SND1: variants seen among roughly 807,000 people sequenced by gnomAD.
The protein encoded by SND1 is staphylococcal nuclease domain-containing protein 1.
SND1 carries 38 observed loss-of-function variants against 121.7 expected under a neutral mutation model. That is an observed-to-expected ratio of 0.31 (90% CI 0.24 to 0.41). The LOEUF is 0.41. Ranked by LOEUF, SND1 falls within the 10% of genes least tolerant of loss-of-function variation. The pLI is 1.00. For missense variants in SND1, 868 were observed against 1,184.6 expected (o/e 0.73, Z 3.92); for synonymous variants, 401 against 447.4 (o/e 0.90, Z 1.31).
chr7:128,019,212 T>C (rs889582056), intron 16 of SND1, among the ~76,000 whole-genome samples: 1 of 152,206 alleles, frequency 6.6e-6, no homozygotes, highest in Non-Finnish European at 1.5e-5. Flanking sequence ...TCCTTTCTTA[T>C]TGCTAACCCG....
At chr7:127,685,877 C>T (rs926798286) in intron 1 of SND1, 1 of 151,286 alleles carries the variant, frequency 6.6e-6, no homozygotes, top group African/African-American at 2.4e-5. Flanking sequence ...AGGGACTTCC[C>T]TCAGCTTCTC....
chr7:127,695,021 A>C, intron 3 of SND1, 73 bp downstream of exon 3: 1 of 1,561,190 alleles, frequency 6.4e-7, no homozygotes, highest in Non-Finnish European at 8.7e-7. Context: ...TTGTGGTGGA[A>C]GGCCAGTGTG....
intron 14 of SND1, among the ~76,000 whole-genome samples, chr7:127,913,703 C>T (rs1800508422): frequency 1.3e-5 from 2 of 152,152 alleles, no homozygotes; most frequent in Non-Finnish European, 2.9e-5. Context: ...ATTGGATTGT[C>T]TGATCTGTCC....
intron 10 of SND1, among the ~76,000 whole-genome samples, chr7:127,747,351 G>C (rs1441279745): frequency 6.6e-6 from 1 of 151,894 alleles, no homozygotes; most frequent in Non-Finnish European, 1.5e-5. Flanking sequence ...TGCAATTCCT[G>C]CCCTTGTCTC....
At chr7:127,744,948 G>T (rs868022722) in intron 10 of SND1, among the ~76,000 whole-genome samples, 20 of 152,342 alleles carry the variant, frequency 1.3e-4, no homozygotes, top group Middle Eastern at 6.8e-3. Context: ...ATTACATAAT[G>T]CCTGAGCAAG....
At chr7:127,678,323 T>G (rs1351302989) in intron 1 of SND1, among the ~76,000 whole-genome samples, 2 of 152,188 alleles carry the variant, frequency 1.3e-5, no homozygotes, top group Non-Finnish European at 2.9e-5. Flanking sequence ...TTATGTGAAG[T>G]CTCTCTGTAG....
rs181215890 is a variant in SND1, at chr7:127,664,569, A to G, written c.78+12118A>G. 1.4e-3 allele frequency among the ~76,000 whole-genome samples: 208 copies of G among 152,296 alleles called. 1 individual carries two copies. The highest frequency in any genetic ancestry group is 0.01 in the East Asian group (53 of 5,180). On this transcript the variant is annotated intron_variant, in intron 1 of 23. Transcript: ENST00000354725. Reference sequence around the variant, plus strand: ...CCATCTGGCTGTTCCTGAGTTGTATACTTTTATATAAATCTAGTTACTAGT... The same window carrying G: ...CCATCTGGCTGTTCCTGAGTTGTATGCTTTTATATAAATCTAGTTACTAGT...
intron 12 of SND1, among the ~76,000 whole-genome samples, chr7:127,870,897 T>C (rs1457977081): frequency 2.0e-5 from 3 of 152,200 alleles, no homozygotes; most frequent in Non-Finnish European, 4.4e-5. Flanking sequence ...TTTGACTCCT[T>C]TGTAATAACA....
chr7:127,710,663 A>G (rs1402959656), intron 9 of SND1, among the ~76,000 whole-genome samples: 2 of 152,088 alleles, frequency 1.3e-5, no homozygotes, highest in Non-Finnish European at 2.9e-5. Context: ...GTTCAATTTC[A>G]CTCTTCCTTG....
chr7:127,996,854 T>C (rs772692297), intron 16 of SND1, among the ~76,000 whole-genome samples: 3 of 152,202 alleles, frequency 2.0e-5, no homozygotes, highest in Non-Finnish European at 4.4e-5. Flanking sequence ...TAAAGGCTGT[T>C]TGGGGGCTAA....
intron 1 of SND1, among the ~76,000 whole-genome samples, chr7:127,659,130 G>A (rs998047040): frequency 1.3e-5 from 2 of 152,184 alleles, no homozygotes; most frequent in African/African-American, 2.4e-5. Context: ...TTTCTTGCTG[G>A]GAGATGAATA....
intron 11 of SND1, among the ~76,000 whole-genome samples, chr7:127,810,580 A>G (rs1035351948): frequency 6.6e-6 from 1 of 152,216 alleles, no homozygotes; most frequent in Non-Finnish European, 1.5e-5. Context: ...TCGCTGTGTG[A>G]ATACGATGGT....
At chr7:127,754,479 T>G (rs1463921680) in intron 10 of SND1, among the ~76,000 whole-genome samples, 1 of 152,224 alleles carries the variant, frequency 6.6e-6, no homozygotes, top group Non-Finnish European at 1.5e-5. Flanking sequence ...TAGGCTGTGG[T>G]TCTGCTTCAC....
intron 10 of SND1, among the ~76,000 whole-genome samples, chr7:127,795,204 G>A (rs982721838): frequency 2.0e-5 from 3 of 152,146 alleles, no homozygotes; most frequent in Non-Finnish European, 2.9e-5. Flanking sequence ...AGCTCTACTT[G>A]CTCATTTAAA....
intron 11 of SND1, among the ~76,000 whole-genome samples, chr7:127,834,567 C>A (rs754168626): frequency 1.3e-5 from 2 of 152,086 alleles, no homozygotes; most frequent in African/African-American, 4.8e-5. Context: ...GATCATGGAA[C>A]CTTGCTTCAT....
At chr7:127,845,617 C>T (rs960835738) in intron 12 of SND1, among the ~76,000 whole-genome samples, 1 of 152,272 alleles carries the variant, frequency 6.6e-6, no homozygotes, top group Non-Finnish European at 1.5e-5. Flanking sequence ...TTGTATGCTT[C>T]CCTGTTGTAG....
At chr7:128,044,731 T>C (rs971583105) in intron 16 of SND1, among the ~76,000 whole-genome samples, 1 of 151,228 alleles carries the variant, frequency 6.6e-6, no homozygotes, top group Non-Finnish European at 1.5e-5. Flanking sequence ...TAAGCCATTT[T>C]TGAAATGGTT....
At chr7:127,680,486 C>T (rs1273572249) in intron 1 of SND1, among the ~76,000 whole-genome samples, 1 of 152,072 alleles carries the variant, frequency 6.6e-6, no homozygotes, top group Non-Finnish European at 1.5e-5. Context: ...GATGCCCACC[C>T]TCAGGGGCAC....
Position 128,084,826 on chromosome 7 carries a change from C to G in SND1, c.2213C>G (p.Ala738Gly). Reference protein sequence around the residue: ...YAPRRGEFCIAKFVDGEWYRA... With the variant: ...YAPRRGEFCIGKFVDGEWYRA... Reference sequence around the variant, plus strand: ...CCCCGCAGGGGAGAGTTCTGCATTGCCAAATTTGTAGATGGAGAATGGTAA... The same window carrying G: ...CCCCGCAGGGGAGAGTTCTGCATTGGCAAATTTGTAGATGGAGAATGGTAA... The change falls in exon 19 of 24, where the codon GCC (alanine) becomes GGC (glycine). Residue 738 changes from alanine to glycine, a missense_variant. Physicochemically the swap from Ala to Gly is moderately conservative, Grantham distance 60. This residue lies in a region of SND1 where 743 missense variants were observed against 1,071.3 expected (regional missense o/e 0.69). Coordinates refer to ENST00000354725, the MANE Select transcript of SND1 (RefSeq NM_014390.4). 6.3e-7 allele frequency: 1 copy of G among 1,599,088 alleles called. No individual in the cohort carries two copies. The highest frequency in any genetic ancestry group is 8.5e-7 in the Non-Finnish European group (1 of 1,169,794).
Sources: gnomAD v4.1 joint callset for allele counts (sites outside exome capture counted in the v4.1 genomes callset) on GRCh38, gnomAD v4.1.1 for gene constraint, gnomAD v4.1.1 regional missense constraint, MANE v1.5 for transcripts, NCBI Gene and HGNC (gene_info 2026-07-23, HGNC 2026-07-21) for gene names.